STX8: variants seen among roughly 807,000 people sequenced by gnomAD.
STX8 encodes the protein syntaxin-8.
In STX8, 23 loss-of-function variants were observed where a neutral mutation model predicts 37.5. The observed-to-expected ratio is 0.61, with a 90% CI of 0.44 to 0.87. STX8 has a LOEUF of 0.87. Ranked by LOEUF, STX8 falls within the 40% of genes least tolerant of loss-of-function variation. The pLI is 0.00. For synonymous variants in STX8, 115 were observed against 99.1 expected (o/e 1.16, Z -0.95); for missense variants, 313 against 284.7 (o/e 1.10, Z -0.71).
rs555706818 is a variant in STX8, at chr17:9,508,002, G to A, written c.324-2840C>T. On this transcript the variant is annotated intron_variant, in intron 4 of 7. Transcript: ENST00000306357. ...CCAGATGCATAGACATCAACATAGG[G>A]ATACATCGAACATGAAAAAGCAAGG... Among the ~76,000 whole-genome samples, 29 of 152,108 alleles carry A rather than the reference G, an allele frequency of 1.9e-4. No individual in the cohort carries two copies. The South Asian group carries it at 3.7e-3, about 20-fold the overall frequency.
chr17:9,447,263 T>C (rs34540066), intron 6 of STX8, among the ~76,000 whole-genome samples: 37,970 of 152,110 alleles, frequency 0.25, 4,972 homozygotes, highest in Middle Eastern at 0.33. Flanking sequence ...CTTTAGCTAT[T>C]ACTATGACAA....
At chr17:9,560,061 C>G (rs1281784671) in intron 2 of STX8, among the ~76,000 whole-genome samples, 1 of 150,586 alleles carries the variant, frequency 6.6e-6, no homozygotes, top group African/African-American at 2.4e-5. Flanking sequence ...CGCGCCCAGA[C>G]TGAAAGATTA....
At chr17:9,297,241 C>CAAAAAAA (rs112089232) in intron 7 of STX8, among the ~76,000 whole-genome samples, 1 of 90,904 alleles carries the variant, frequency 1.1e-5, no homozygotes. Flanking sequence ...CCAGAGTTTG[C>CAAAAAAA]AAAAAAAAAA....
intron 6 of STX8, among the ~76,000 whole-genome samples, chr17:9,471,678 C>A (rs1783387549): frequency 6.6e-6 from 1 of 152,104 alleles, no homozygotes; most frequent in Non-Finnish European, 1.5e-5. Context: ...TCAAAAAACC[C>A]CGGGCACTGA....
At chr17:9,521,589 T>TTCCA (rs962306934) in intron 4 of STX8, among the ~76,000 whole-genome samples, 1 of 152,160 alleles carries the variant, frequency 6.6e-6, no homozygotes, top group Admixed American at 6.5e-5. Flanking sequence ...CCATCCACCC[T>TTCCA]TCCATCCATC....
chr17:9,268,385 T>C (rs1378305853), intron 7 of STX8, among the ~76,000 whole-genome samples: 1 of 152,060 alleles, frequency 6.6e-6, no homozygotes, highest in Non-Finnish European at 1.5e-5. Context: ...GCTTAGAGTT[T>C]GATCTAGGAA....
chr17:9,286,963 T>C (rs1908096141), intron 7 of STX8, among the ~76,000 whole-genome samples: 2 of 152,254 alleles, frequency 1.3e-5, no homozygotes, highest in African/African-American at 2.4e-5. Flanking sequence ...GGAATGACAT[T>C]ACCTGTCTCA....
At chr17:9,564,796 T>G (rs1479595825) in intron 2 of STX8, among the ~76,000 whole-genome samples, 1 of 152,206 alleles carries the variant, frequency 6.6e-6, no homozygotes, top group Non-Finnish European at 1.5e-5. Context: ...AATTTATAGA[T>G]TCAATGCCAT....
intron 6 of STX8, among the ~76,000 whole-genome samples, chr17:9,436,610 C>T (rs748406170): frequency 8.5e-5 from 13 of 152,148 alleles, no homozygotes; most frequent in African/African-American, 2.7e-4. Context: ...ATAACAATTA[C>T]GACCACGATC....
intron 6 of STX8, among the ~76,000 whole-genome samples, chr17:9,446,217 C>A (rs1904846828): frequency 6.6e-6 from 1 of 152,140 alleles, no homozygotes; most frequent in Non-Finnish European, 1.5e-5. Context: ...ATTTTATTCA[C>A]CATGGTGTCA....
intron 6 of STX8, among the ~76,000 whole-genome samples, chr17:9,422,106 T>G: frequency 1.7e-5 from 2 of 117,986 alleles, no homozygotes; most frequent in African/African-American, 1.0e-4. Flanking sequence ...CGGGTAGTAG[T>G]TTTTTTTTTT....
chr17:9,295,965 C>A (rs190320197), intron 7 of STX8, among the ~76,000 whole-genome samples: 24 of 151,410 alleles, frequency 1.6e-4, no homozygotes, highest in African/African-American at 5.6e-4. Flanking sequence ...CCAAGGCGGG[C>A]GGATCACGAG....
intron 6 of STX8, among the ~76,000 whole-genome samples, chr17:9,391,992 C>T (rs7219526): frequency 0.25 from 38,159 of 152,014 alleles, 5,015 homozygotes; most frequent in African/African-American, 0.32. Flanking sequence ...GAGAAAACCA[C>T]CCAACTCCCA....
chr17:9,528,694 G>A (rs1905679632), intron 4 of STX8, among the ~76,000 whole-genome samples: 2 of 152,016 alleles, frequency 1.3e-5, no homozygotes, highest in African/African-American at 4.8e-5. Flanking sequence ...ATGGAAGCAG[G>A]GAGGGAATAC....
chr17:9,309,868 C>T (rs1292517716), intron 7 of STX8, among the ~76,000 whole-genome samples: 5 of 152,134 alleles, frequency 3.3e-5, no homozygotes, highest in Non-Finnish European at 7.4e-5. Context: ...CTTGGATTAA[C>T]TTCATAAACT....
At chr17:9,531,832 T>A (rs1238967985) in intron 4 of STX8, among the ~76,000 whole-genome samples, 1 of 150,244 alleles carries the variant, frequency 6.7e-6, no homozygotes, top group Admixed American at 6.6e-5. Context: ...TTTTTTTTTT[T>A]AAAGTACTAT....
intron 7 of STX8, among the ~76,000 whole-genome samples, chr17:9,327,210 GGAA>G (rs1399198759): frequency 1.1e-4 from 17 of 148,902 alleles, no homozygotes; most frequent in African/African-American, 1.0e-4. Context: ...GGAAGAAGGA[GGAA>G]GAAGGAGGAA....
intron 7 of STX8, among the ~76,000 whole-genome samples, chr17:9,300,503 G>A (rs946466858): frequency 3.9e-5 from 6 of 151,940 alleles, no homozygotes; most frequent in Admixed American, 2.0e-4. Flanking sequence ...GAAATGTTTT[G>A]TAGTTTTCTT....
chr17:9,508,591 A>C (rs1904921985), intron 4 of STX8, among the ~76,000 whole-genome samples: 1 of 152,240 alleles, frequency 6.6e-6, no homozygotes, highest in Non-Finnish European at 1.5e-5. Flanking sequence ...GGCCTCCCAA[A>C]GTGCCAGGAT....
Sources: gnomAD v4.1 joint callset for allele counts (sites outside exome capture counted in the v4.1 genomes callset) on GRCh38, gnomAD v4.1.1 for gene constraint, MANE v1.5 for transcripts, NCBI Gene and HGNC (gene_info 2026-07-23, HGNC 2026-07-21) for gene names.